The following SYCP1 variants were observed in gnomAD, a reference collection of about 807,000 sequenced individuals.
SYCP1 encodes the protein cancer/testis antigen 8.
In SYCP1, 64 loss-of-function variants were observed where a neutral mutation model predicts 153.1. That is an observed-to-expected ratio of 0.42 (90% confidence interval 0.34 to 0.51). The LOEUF (loss-of-function observed/expected upper bound fraction) is 0.51. Among genes scored for constraint, SYCP1 ranks in the 20% least tolerant of loss-of-function variants. SYCP1 has a pLI of 0.06. For synonymous variants in SYCP1, 384 were observed against 341.8 expected (o/e 1.12, Z -1.36); for missense variants, 997 against 1,049.0 (o/e 0.95, Z 0.68).
chr1:114,864,693 G>T (rs1664615472), intron 8 of SYCP1, among the ~76,000 whole-genome samples: 1 of 151,884 alleles, frequency 6.6e-6, no homozygotes, highest in Admixed American at 6.6e-5. Context: ...TCGCCATGTT[G>T]CCCAGGATAG....
intron 27 of SYCP1, among the ~76,000 whole-genome samples, chr1:114,963,519 C>A (rs1021193958): frequency 6.6e-6 from 1 of 152,036 alleles, no homozygotes; most frequent in Non-Finnish European, 1.5e-5. Flanking sequence ...TGCTGTCCCT[C>A]CCCTTGCCCC....
At chr1:114,954,593 T>C (rs1468284542) in intron 27 of SYCP1, among the ~76,000 whole-genome samples, 1 of 151,814 alleles carries the variant, frequency 6.6e-6, no homozygotes, top group Non-Finnish European at 1.5e-5. Flanking sequence ...TTTATTTATT[T>C]ATTTTTGAGA....
At chr1:114,968,857 T>A (rs1202676827) in intron 27 of SYCP1, among the ~76,000 whole-genome samples, 1 of 152,118 alleles carries the variant, frequency 6.6e-6, no homozygotes, top group Non-Finnish European at 1.5e-5. Context: ...TCAGTTGGGG[T>A]TTTTGCGTGG....
At chr1:114,910,736 T>C (rs1182348536) in intron 17 of SYCP1, among the ~76,000 whole-genome samples, 3 of 152,150 alleles carry the variant, frequency 2.0e-5, no homozygotes, top group Non-Finnish European at 4.4e-5. Context: ...TGCTATGGTT[T>C]ATAATAGTGA....
intron 27 of SYCP1, among the ~76,000 whole-genome samples, chr1:114,954,981 A>AATG (rs1671346350): frequency 6.6e-6 from 1 of 152,190 alleles, no homozygotes; most frequent in Non-Finnish European, 1.5e-5. Flanking sequence ...AGTATTGATA[A>AATG]ATGTAGGGAG....
chr1:114,874,152 C>T (rs964409506), intron 8 of SYCP1, among the ~76,000 whole-genome samples: 1 of 152,082 alleles, frequency 6.6e-6, no homozygotes, highest in African/African-American at 2.4e-5. Flanking sequence ...GGGTTTCTGC[C>T]CTGGTAAGTT....
At chr1:114,878,477 C>T (rs1665691658) in intron 12 of SYCP1, among the ~76,000 whole-genome samples, 1 of 152,102 alleles carries the variant, frequency 6.6e-6, no homozygotes, top group African/African-American at 2.4e-5. Flanking sequence ...TGTTCACTGA[C>T]TTGGAACTGT....
intron 20 of SYCP1, among the ~76,000 whole-genome samples, chr1:114,921,807 C>G (rs1056720715): frequency 6.6e-6 from 1 of 152,100 alleles, no homozygotes; most frequent in East Asian, 1.9e-4. Flanking sequence ...CTCTCTTTAC[C>G]ATTTCTTGTA....
At chr1:114,934,297 T>C (rs1478410923) in intron 23 of SYCP1, among the ~76,000 whole-genome samples, 1 of 152,130 alleles carries the variant, frequency 6.6e-6, no homozygotes, top group Non-Finnish European at 1.5e-5. Context: ...GAATTTCATA[T>C]CCAGCCAAAC....
intron 20 of SYCP1, among the ~76,000 whole-genome samples, chr1:114,920,010 T>G (rs1225117045): frequency 6.6e-6 from 1 of 152,032 alleles, no homozygotes; most frequent in Non-Finnish European, 1.5e-5. Context: ...TGCTCTGATC[T>G]TTATTATTCT....
chr1:114,878,253 A>G (rs1434192108), intron 12 of SYCP1, 51 bp downstream of exon 12: 1 of 1,159,228 alleles, frequency 8.6e-7, no homozygotes, highest in Non-Finnish European at 1.3e-6. Flanking sequence ...TCCTCTTGTT[A>G]TGTTCTAAAC....
chr1:114,944,750 T>C (rs1447103253), intron 24 of SYCP1, 122 bp from the exon 25 acceptor site: 2 of 767,780 alleles, frequency 2.6e-6, no homozygotes, highest in East Asian at 5.6e-5. Flanking sequence ...ATTTTCTACT[T>C]GTTTTTCCAG....
chr1:114,862,494 T>TG (rs1664447998), intron 8 of SYCP1, among the ~76,000 whole-genome samples: 1 of 151,928 alleles, frequency 6.6e-6, no homozygotes, highest in South Asian at 2.1e-4. Context: ...TGACTACAGG[T>TG]GCCCACCACC....
chr1:114,976,298 T>C, intron 27 of SYCP1, among the ~76,000 whole-genome samples: 1 of 151,820 alleles, frequency 6.6e-6, no homozygotes, highest in East Asian at 1.9e-4. Flanking sequence ...ACTCTGGTGA[T>C]CAAGTCAACT....
At chr1:114,958,756 TAAA>T (rs754525268) in intron 27 of SYCP1, among the ~76,000 whole-genome samples, 15 of 96,530 alleles carry the variant, frequency 1.6e-4, no homozygotes, top group Admixed American at 1.1e-4. Context: ...CTGTCTCTAC[TAAA>T]AAAAAAAAAA....
chr1:114,861,535 C>T (rs1267165567), intron 8 of SYCP1, among the ~76,000 whole-genome samples: 1 of 152,082 alleles, frequency 6.6e-6, no homozygotes, highest in Non-Finnish European at 1.5e-5. Flanking sequence ...CAGCTTACTA[C>T]TTAACAGCTT....
Position 114,951,238 on chromosome 1 carries a change from C to T in SYCP1, c.2322+3918C>T, listed in dbSNP as rs376285906. On this transcript the variant is annotated intron_variant, in intron 27 of 31. Transcript: ENST00000369522. ...CAGAATAACTTTTATCTATTTTGGG[C>T]GTGTATCACTTCATATGGCTCCTTT... Among the ~76,000 whole-genome samples the T allele has an allele frequency of 6.6e-5, 10 of 151,970 alleles. No individual in the cohort carries two copies. The East Asian group carries it at 9.6e-4, about 15-fold the overall frequency.
intron 26 of SYCP1, among the ~76,000 whole-genome samples, chr1:114,946,661 G>A (rs748906818): frequency 1.3e-5 from 2 of 152,104 alleles, no homozygotes; most frequent in Admixed American, 6.5e-5. Flanking sequence ...GATAAACTGG[G>A]AGAGAACGAG....
At chr1:114,861,423 C>A (rs1664368128) in intron 8 of SYCP1, among the ~76,000 whole-genome samples, 1 of 152,006 alleles carries the variant, frequency 6.6e-6, no homozygotes, top group South Asian at 2.1e-4. Flanking sequence ...TTGACCCTGG[C>A]TTTACTTTGT....
Sources: allele counts gnomAD v4.1 joint callset (sites outside exome capture counted in the v4.1 genomes callset), GRCh38; gene constraint gnomAD v4.1.1; transcripts MANE v1.5; gene names NCBI Gene and HGNC (gene_info 2026-07-23, HGNC 2026-07-21).